Variants in VWA3B observed in about 807,000 individuals in gnomAD.
The protein encoded by VWA3B is von Willebrand factor A domain-containing protein 3B.
In VWA3B, 138 loss-of-function variants were observed where a neutral mutation model predicts 158.3. The ratio of observed to expected loss-of-function variants is 0.87; its 90% CI spans 0.76 to 1.00. The LOEUF (loss-of-function observed/expected upper bound fraction) is 1.00, where lower values mean the gene tolerates loss of function less well. VWA3B is among the 50% of genes least tolerant of loss of function. The pLI is 0.00. For synonymous variants in VWA3B, 596 were observed against 587.3 expected, an observed-to-expected ratio of 1.01 and a Z score of -0.21; for missense variants, 1,555 against 1,565.1, an observed-to-expected ratio of 0.99 and a Z score of 0.11.
At chr2:98,132,451 T>C (rs1675949486) in intron 6 of VWA3B, among the ~76,000 whole-genome samples, 1 of 152,238 alleles carries the variant, frequency 6.6e-6, no homozygotes, top group South Asian at 2.1e-4. Flanking sequence ...GGACTCCGGC[T>C]TCCCCTGTGC....
chr2:98,168,579 C>T (rs1156752047), intron 8 of VWA3B, among the ~76,000 whole-genome samples: 1 of 151,944 alleles, frequency 6.6e-6, no homozygotes, highest in South Asian at 2.1e-4. Context: ...CTTTTAGAGA[C>T]AAGAAAGATA....
chr2:98,168,376 T>TACACAC (rs148619678), intron 8 of VWA3B, among the ~76,000 whole-genome samples: 4,235 of 145,586 alleles, frequency 0.029, 118 homozygotes, highest in South Asian at 0.14. Flanking sequence ...TACACACACA[T>TACACAC]ACACACACAC....
At chr2:98,239,347 AAATGAAATATCG>A (rs1272216957) in intron 19 of VWA3B, among the ~76,000 whole-genome samples, 4 of 22,788 alleles carry the variant, frequency 1.8e-4, no homozygotes, top group African/African-American at 3.7e-4. Context: ...TCCTCGTGCT[AAATGAAATATCG>A]TGCTAAATGA....
In VWA3B at chr2:98,290,626, G is replaced by GTTT. The variant is rs368082214; in HGVS notation, c.3157+15_3157+17dup. 7.0e-5 allele frequency: 93 copies of GTTT among 1,338,002 alleles called. No individual in the cohort carries two copies. Among genetic ancestry groups the GTTT allele is most frequent in the South Asian group, 1.1e-4 (8 of 73,356 alleles). 82.9% of individuals were successfully genotyped at this position (1,338,002 alleles called of 1,614,324 possible). On this transcript the variant is annotated splice_donor_region_variant and intron_variant, in intron 23 of 27. Transcript: ENST00000477737. Reference sequence around the variant, plus strand: ...GAAAATGGCTTTTATTTTCCAGGTAGTTTTTTTTTTTTTAATTTCGTGAGG... The same window carrying GTTT: ...GAAAATGGCTTTTATTTTCCAGGTAGTTTTTTTTTTTTTTTTAATTTCGTGAGG...
chr2:98,255,771 G>A (rs1344027716), intron 20 of VWA3B, among the ~76,000 whole-genome samples: 2 of 152,102 alleles, frequency 1.3e-5, no homozygotes, highest in African/African-American at 2.4e-5. Context: ...TACAGAAAGC[G>A]AACTAAAGAG....
intron 22 of VWA3B, among the ~76,000 whole-genome samples, chr2:98,282,728 C>T (rs535842094): frequency 4.0e-4 from 61 of 152,216 alleles, no homozygotes; most frequent in African/African-American, 1.3e-3. Flanking sequence ...TGTGAGTCAC[C>T]GTTCACAGCC....
chr2:98,177,195 A>G (rs1454419973), intron 8 of VWA3B, among the ~76,000 whole-genome samples: 1 of 152,176 alleles, frequency 6.6e-6, no homozygotes, highest in African/African-American at 2.4e-5. Flanking sequence ...GCATTTTCCC[A>G]GTAGGTCTTT....
chr2:98,290,573 A>T lies in VWA3B; in HGVS notation c.3108A>T (p.Lys1036Asn). 1 of 1,593,598 alleles carries T rather than the reference A, an allele frequency of 6.3e-7. No individual in the cohort carries two copies. The highest frequency in any genetic ancestry group is 1.7e-4 in the Middle Eastern group (1 of 6,006). ...KTKSKRPDPL[K>N]GQKVIARCDE... ...AATCAAAAAGACCAGATCCCCTCAA[A>T]GGACAGAAGGTTATTGCAAGATGTG... Residue 1036 changes from lysine (K) to asparagine (N), a missense_variant, in exon 23 of 28, where the codon AAA becomes AAT. By Grantham distance (94) the Lys-to-Asn change is moderately conservative. Transcript: ENST00000477737.
intron 7 of VWA3B, among the ~76,000 whole-genome samples, chr2:98,136,602 CAAA>C (rs540145824): frequency 1.6e-5 from 2 of 125,354 alleles, no homozygotes. Flanking sequence ...ATGAAAGGGC[CAAA>C]AAAAAAAAAA....
intron 21 of VWA3B, among the ~76,000 whole-genome samples, chr2:98,256,401 C>T (rs1187592117): frequency 1.3e-5 from 2 of 152,140 alleles, no homozygotes; most frequent in East Asian, 3.8e-4. Flanking sequence ...GGGTTACCAC[C>T]AGTTTGCTTC....
At chr2:98,202,172 A>G (rs1682605140) in intron 12 of VWA3B, among the ~76,000 whole-genome samples, 2 of 152,156 alleles carry the variant, frequency 1.3e-5, no homozygotes, top group Admixed American at 6.5e-5. Flanking sequence ...AAAACTATGA[A>G]TTCAATTTCT....
chr2:98,096,233 A>G (rs142839632), intron 2 of VWA3B, among the ~76,000 whole-genome samples: 1 of 152,082 alleles, frequency 6.6e-6, no homozygotes, highest in African/African-American at 2.4e-5. Context: ...GAATTCAGCA[A>G]TGAAGCCATT....
chr2:98,229,969 A>G (rs1264716659), intron 15 of VWA3B, 81 bp from the exon 16 acceptor site: 2 of 1,440,148 alleles, frequency 1.4e-6, no homozygotes, highest in Non-Finnish European at 1.9e-6. Flanking sequence ...ACATGAATGT[A>G]TTGACTTAAC....
chr2:98,120,564 A>T (rs2104963862), intron 4 of VWA3B, among the ~76,000 whole-genome samples: 1 of 152,332 alleles, frequency 6.6e-6, no homozygotes, highest in Middle Eastern at 3.4e-3. Flanking sequence ...ACTCAGCCAG[A>T]TTCTCTACCC....
At chr2:98,265,537 A>T (rs1472042016) in intron 21 of VWA3B, among the ~76,000 whole-genome samples, 1 of 151,984 alleles carries the variant, frequency 6.6e-6, no homozygotes, top group African/African-American at 2.4e-5. Flanking sequence ...AGCATGATTT[A>T]TAGACCTTTG....
In VWA3B at chr2:98,312,668, A is replaced by G. The variant is rs565934826; in HGVS notation, c.*319A>G. 43 of 280,512 alleles carry G rather than the reference A, an allele frequency of 1.5e-4. No homozygotes were observed. Among genetic ancestry groups the G allele is most frequent in the African/African-American group, 8.6e-4 (40 of 46,500 alleles). 17.4% of individuals were successfully genotyped at this position (280,512 alleles called of 1,614,324 possible). On this transcript the variant is annotated 3_prime_UTR_variant, in exon 28 of 28. Coordinates refer to ENST00000477737, the MANE Select transcript of VWA3B (RefSeq NM_144992.5). ...AAGGATGACTGTCACAGGACTTTCAAATTGTTTAGCAGTCAGCATAGTCAG... is the reference window on the plus strand; with the variant it reads ...AAGGATGACTGTCACAGGACTTTCAGATTGTTTAGCAGTCAGCATAGTCAG...
At chr2:98,212,836 GT>G (rs2105557999) in intron 13 of VWA3B, among the ~76,000 whole-genome samples, 1 of 151,786 alleles carries the variant, frequency 6.6e-6, no homozygotes, top group Admixed American at 6.6e-5. Context: ...AACTTACTGT[GT>G]TTTCTCTTTG....
At chr2:98,088,818 A>G (rs1423123206) in intron 1 of VWA3B, among the ~76,000 whole-genome samples, 2 of 151,908 alleles carry the variant, frequency 1.3e-5, no homozygotes, top group Admixed American at 1.3e-4. Flanking sequence ...CAGTGGTGCA[A>G]TCTTGGCTTA....
At chr2:98,160,884 T>C (rs796626294) in intron 7 of VWA3B, among the ~76,000 whole-genome samples, 36 of 152,336 alleles carry the variant, frequency 2.4e-4, no homozygotes, top group African/African-American at 7.7e-4. Context: ...TTTAGGAACA[T>C]AGCTATTAAT....
Sources: gnomAD v4.1 joint callset for allele counts (sites outside exome capture counted in the v4.1 genomes callset) on GRCh38, gnomAD v4.1.1 for gene constraint, MANE v1.5 for transcripts, NCBI Gene and HGNC (gene_info 2026-07-23, HGNC 2026-07-21) for gene names.